KCNT2: variants seen among roughly 807,000 people sequenced by gnomAD.
KCNT2 encodes potassium sodium-activated channel subfamily T member 2, also known as potassium channel subfamily T member 2.
A neutral mutation model predicts 153.8 loss-of-function variants in KCNT2; 67 were observed. The ratio of observed to expected loss-of-function variants is 0.44; its 90% CI spans 0.36 to 0.53. KCNT2 has a LOEUF of 0.53. Ranked by LOEUF, KCNT2 falls within the 20% of genes least tolerant of loss-of-function variation. The probability of loss-of-function intolerance (pLI) is 0.00; values close to 1 mark genes in which losing one functional copy is unlikely to be tolerated. For missense variants in KCNT2, 975 were observed against 1,354.8 expected (o/e 0.72, Z 4.40); for synonymous variants, 500 against 458.8 (o/e 1.09, Z -1.15).
intron 16 of KCNT2, among the ~76,000 whole-genome samples, chr1:196,338,117 A>T (rs1665217709): frequency 6.6e-6 from 1 of 152,164 alleles, no homozygotes; most frequent in African/African-American, 2.4e-5. Context: ...TTACCTAAGA[A>T]GGTCTAGGTA....
intron 1 of KCNT2, among the ~76,000 whole-genome samples, chr1:196,597,484 GTTATGAGTC>G (rs1427557977): frequency 2.0e-5 from 3 of 151,868 alleles, no homozygotes; most frequent in African/African-American, 7.3e-5. Flanking sequence ...GAGTGAGAAT[GTTATGAGTC>G]TTATGAAACT....
chr1:196,469,752 C>T (rs1677926608), intron 5 of KCNT2, among the ~76,000 whole-genome samples: 2 of 152,220 alleles, frequency 1.3e-5, no homozygotes, highest in Non-Finnish European at 1.5e-5. Flanking sequence ...GCACAGAATA[C>T]GTGTCCATGA....
chr1:196,367,670 T>C (rs1668158933), intron 14 of KCNT2, among the ~76,000 whole-genome samples: 1 of 152,186 alleles, frequency 6.6e-6, no homozygotes, highest in African/African-American at 2.4e-5. Context: ...CACAAATCTG[T>C]GACAAAATGA....
intron 1 of KCNT2, among the ~76,000 whole-genome samples, chr1:196,555,698 C>A (rs552883277): frequency 5.3e-5 from 8 of 151,266 alleles, no homozygotes; most frequent in African/African-American, 1.7e-4. Context: ...AAAGGTTATC[C>A]TAAGCAAAAA....
At chr1:196,428,075 A>T (rs534980576) in intron 10 of KCNT2, 30 bp downstream of exon 10, 1 of 1,568,290 alleles carries the variant, frequency 6.4e-7, no homozygotes, top group Non-Finnish European at 8.8e-7. Context: ...GGTATGATCC[A>T]GTATAGCACA....
intron 1 of KCNT2, among the ~76,000 whole-genome samples, chr1:196,597,092 G>A (rs1231497903): frequency 2.0e-5 from 3 of 152,160 alleles, no homozygotes; most frequent in African/African-American, 7.2e-5. Context: ...TAGGTGAAGA[G>A]GAGAGAGTAA....
chr1:196,277,822 C>T (rs756897139), intron 25 of KCNT2, among the ~76,000 whole-genome samples: 8 of 151,940 alleles, frequency 5.3e-5, no homozygotes, highest in Non-Finnish European at 1.2e-4. Context: ...CCACTAAGCT[C>T]TTATTCTGCG....
Position 196,473,732 on chromosome 1 carries a change from A to T in KCNT2, c.385-4664T>A, listed in dbSNP as rs565514747. Reference sequence around the variant, plus strand: ...CTTAAAAATAGCTAATGAAACATAAATATAGAAAGGATCCACAAGTTTCAT... The same window carrying T: ...CTTAAAAATAGCTAATGAAACATAATTATAGAAAGGATCCACAAGTTTCAT... On this transcript the variant is annotated intron_variant, in intron 5 of 27. Transcript: ENST00000294725. 4.3e-3 allele frequency among the ~76,000 whole-genome samples: 661 copies of T among 152,304 alleles called. 5 individuals are homozygous for T. Among genetic ancestry groups the T allele is most frequent in the South Asian group, 0.011 (52 of 4,830 alleles).
At chr1:196,248,537 A>G (rs751756599) in intron 26 of KCNT2, among the ~76,000 whole-genome samples, 6 of 152,078 alleles carry the variant, frequency 3.9e-5, no homozygotes, top group Admixed American at 6.6e-5. Context: ...GACAATGAAT[A>G]GGAAGCTGGA....
chr1:196,239,646 T>C (rs971572195), intron 26 of KCNT2, among the ~76,000 whole-genome samples: 18 of 151,994 alleles, frequency 1.2e-4, no homozygotes, highest in African/African-American at 4.3e-4. Context: ...TTTAAGAGGA[T>C]TTTTGAAAGA....
At chr1:196,374,557 T>C (rs1045954753) in intron 13 of KCNT2, among the ~76,000 whole-genome samples, 1 of 151,840 alleles carries the variant, frequency 6.6e-6, no homozygotes, top group Non-Finnish European at 1.5e-5. Flanking sequence ...GTCAATATAT[T>C]ATAATTGACA....
At chr1:196,453,697 C>T (rs532674668) in intron 8 of KCNT2, among the ~76,000 whole-genome samples, 12 of 152,072 alleles carry the variant, frequency 7.9e-5, no homozygotes, top group Admixed American at 4.6e-4. Flanking sequence ...CGTGTCACCA[C>T]AAATGTTACT....
intron 1 of KCNT2, among the ~76,000 whole-genome samples, chr1:196,577,944 C>A (rs983137376): frequency 6.6e-6 from 1 of 152,096 alleles, no homozygotes; most frequent in Non-Finnish European, 1.5e-5. Flanking sequence ...ACATTTTAAA[C>A]TCTTTCTCTG....
At chr1:196,567,419 G>A (rs1466115833) in intron 1 of KCNT2, among the ~76,000 whole-genome samples, 1 of 152,056 alleles carries the variant, frequency 6.6e-6, no homozygotes, top group African/African-American at 2.4e-5. Context: ...TGCATGATAA[G>A]GTTGAATAGC....
intron 18 of KCNT2, 55 bp from the exon 19 acceptor site, chr1:196,326,944 G>A (rs1663921657): frequency 7.1e-6 from 7 of 981,694 alleles, no homozygotes; most frequent in South Asian, 1.7e-5. Flanking sequence ...ATTAAAATTT[G>A]GAGAAAATTT....
At chr1:196,482,471 G>A (rs1351183467) in intron 3 of KCNT2, 92 bp from the exon 4 acceptor site, 1 of 639,016 alleles carries the variant, frequency 1.6e-6, no homozygotes, top group East Asian at 3.3e-5. Context: ...ATTAAAATAT[G>A]CTAGCATAAA....
At chr1:196,256,998 T>C (rs1656574657) in intron 26 of KCNT2, among the ~76,000 whole-genome samples, 1 of 152,112 alleles carries the variant, frequency 6.6e-6, no homozygotes, top group African/African-American at 2.4e-5. Context: ...TTAAAATTAT[T>C]TGTCACAGAT....
chr1:196,270,480 A>T (rs1021806971), intron 25 of KCNT2, among the ~76,000 whole-genome samples: 5 of 152,108 alleles, frequency 3.3e-5, no homozygotes, highest in Non-Finnish European at 7.4e-5. Context: ...TTTGTAAAGA[A>T]TATTGCTAGA....
At chr1:196,462,998 A>T (rs1677284901) in intron 8 of KCNT2, among the ~76,000 whole-genome samples, 1 of 151,686 alleles carries the variant, frequency 6.6e-6, no homozygotes, top group South Asian at 2.1e-4. Flanking sequence ...TTCTAACTAC[A>T]GGCTGGACTT....
Sources: gnomAD v4.1 joint callset for allele counts (sites outside exome capture counted in the v4.1 genomes callset) on GRCh38, gnomAD v4.1.1 for gene constraint, MANE v1.5 for transcripts, NCBI Gene and HGNC (gene_info 2026-07-23, HGNC 2026-07-21) for gene names.